Variants in RAD51C observed in about 807,000 individuals in gnomAD.
RAD51C encodes the protein DNA repair protein RAD51 homolog 3.
Under a neutral mutation model 45.0 loss-of-function variants are expected in RAD51C, and 42 were observed. The ratio of observed to expected loss-of-function variants is 0.93; its 90% CI spans 0.73 to 1.21. The LOEUF is 1.21. RAD51C is among the 50% of genes most tolerant of loss of function. RAD51C has a pLI of 0.00. For synonymous variants in RAD51C, 172 were observed against 159.8 expected, an observed-to-expected ratio of 1.08 and a Z score of -0.58; for missense variants, 474 against 452.2, an observed-to-expected ratio of 1.05 and a Z score of -0.44.
At chr17:58,701,236 G>T (rs1182903257) in intron 3 of RAD51C, among the ~76,000 whole-genome samples, 1 of 74 alleles carries the variant, frequency 0.014, no homozygotes, top group Admixed American at 0.17. Context: ...GGCCGGGTGT[G>T]GTGACTCACT....
chr17:58,724,223 T>G (rs2049031519), intron 7 of RAD51C, 123 bp downstream of exon 7: 2 of 919,034 alleles, frequency 2.2e-6, no homozygotes, highest in Non-Finnish European at 3.5e-6. Context: ...GTGACACTTT[T>G]GTTGCCTTGT....
chr17:58,709,160 C>A (rs2048469753), intron 4 of RAD51C, among the ~76,000 whole-genome samples: 1 of 148,990 alleles, frequency 6.7e-6, no homozygotes, highest in Admixed American at 6.8e-5. Context: ...AGTGGCGCAA[C>A]CTCTGCCACC....
chr17:58,725,134 C>T (rs2049070265), intron 7 of RAD51C, among the ~76,000 whole-genome samples: 1 of 152,182 alleles, frequency 6.6e-6, no homozygotes, highest in Non-Finnish European at 1.5e-5. Flanking sequence ...CCCCACAATA[C>T]GTAGTGCTTT....
chr17:58,719,278 T>C (rs1348892029), intron 5 of RAD51C, among the ~76,000 whole-genome samples: 2 of 151,992 alleles, frequency 1.3e-5, no homozygotes, highest in Non-Finnish European at 2.9e-5. Context: ...GGTGACAGAA[T>C]CATGGCTCAC....
chr17:58,728,702 A>G (rs962605944), intron 7 of RAD51C, among the ~76,000 whole-genome samples: 2 of 152,122 alleles, frequency 1.3e-5, no homozygotes, highest in African/African-American at 4.8e-5. Context: ...CCGTCCAGAA[A>G]CTAAAAATCT....
intron 1 of RAD51C, chr17:58,693,068 A>T: frequency 6.6e-6 from 3 of 454,486 alleles, no homozygotes; most frequent in Non-Finnish European, 1.2e-5. Context: ...GCTTACGTAG[A>T]TTATTATATT....
chr17:58,711,318 T>C (rs2048549537), intron 5 of RAD51C, among the ~76,000 whole-genome samples: 1 of 152,196 alleles, frequency 6.6e-6, no homozygotes, highest in African/African-American at 2.4e-5. Flanking sequence ...GAAGAAGATA[T>C]ATACATATAT....
Position 58,734,366 on chromosome 17 carries a change from A to G in RAD51C, c.*144A>G, listed in dbSNP as rs1487968288. On this transcript the variant is annotated 3_prime_UTR_variant, in exon 9 of 9. Coordinates refer to ENST00000337432, the MANE Select transcript of RAD51C (RefSeq NM_058216.3). Reference sequence around the variant, plus strand: ...TATGAAGTGAATGGGAAAAATACCTAAATATGATTCTGTGAAAGTTTTTCT... The same window carrying G: ...TATGAAGTGAATGGGAAAAATACCTGAATATGATTCTGTGAAAGTTTTTCT... 7.2e-7 allele frequency: 1 copy of G among 1,389,696 alleles called. No individual in the cohort carries two copies. Among genetic ancestry groups the G allele is most frequent in the South Asian group, 1.4e-5 (1 of 71,058 alleles). The allele number at this position is 1,389,696 out of a possible 1,614,324, so 86.1% of individuals were successfully genotyped here. A position where few individuals can be genotyped will look rare whatever the true frequency, so the allele number is the denominator to read the frequency against.
chr17:58,734,250 AT>A lies in RAD51C; in HGVS notation c.*31del, dbSNP rs748051956. The stretch of plus-strand genomic sequence containing the variant: ...CAGAAACAAATCTCAAAGTGTACAA[AT>A]TTATTGATGTTGTGAAATCAATGTG... On this transcript the variant is annotated 3_prime_UTR_variant, in exon 9 of 9. Coordinates refer to ENST00000337432, the MANE Select transcript of RAD51C (RefSeq NM_058216.3). 3 of 1,597,206 alleles carry A rather than the reference AT, an allele frequency of 1.9e-6. No homozygotes were observed. In the South Asian group the frequency reaches 3.4e-5, roughly 18 times the overall value.
chr17:58,721,497 T>G (rs2048915861), intron 6 of RAD51C, among the ~76,000 whole-genome samples: 1 of 152,156 alleles, frequency 6.6e-6, no homozygotes, highest in African/African-American at 2.4e-5. Flanking sequence ...CAGTGGCTTA[T>G]GCCTGTAATC....
chr17:58,717,376 G>A (rs1236085198), intron 5 of RAD51C, among the ~76,000 whole-genome samples: 1 of 152,142 alleles, frequency 6.6e-6, no homozygotes, highest in Non-Finnish European at 1.5e-5. Flanking sequence ...GCTGCAGTAA[G>A]CTATGATTGT....
intron 6 of RAD51C, among the ~76,000 whole-genome samples, chr17:58,721,798 A>G (rs1171468965): frequency 4.6e-5 from 7 of 152,100 alleles, no homozygotes; most frequent in Non-Finnish European, 7.4e-5. Flanking sequence ...ACTAGTTTTC[A>G]ACTAATGGCA....
chr17:58,727,516 ATATGTAGCTTAC>A (rs2049213988), intron 7 of RAD51C, among the ~76,000 whole-genome samples: 1 of 152,010 alleles, frequency 6.6e-6, no homozygotes, highest in Non-Finnish European at 1.5e-5. Context: ...GCCAATCTGA[ATATGTAGCTTAC>A]TCCTTTTTTT....
At chr17:58,703,933 CTTTTTT>C (rs67254535) in intron 4 of RAD51C, among the ~76,000 whole-genome samples, 21 of 66,478 alleles carry the variant, frequency 3.2e-4, no homozygotes, top group Non-Finnish European at 5.8e-4. Flanking sequence ...CATGTATCAC[CTTTTTT>C]TTTTTTTTTT....
At chr17:58,721,775 G>A (rs1246192213) in intron 6 of RAD51C, among the ~76,000 whole-genome samples, 1 of 151,340 alleles carries the variant, frequency 6.6e-6, no homozygotes, top group East Asian at 1.9e-4. Context: ...AAAAAAAAAT[G>A]TATCTGCCCT....
At position 58,703,315 on chromosome 17, in the gene RAD51C, T is replaced by A; in HGVS notation, c.691T>A (p.Ser231Thr). Residue 231 changes from serine (S) to threonine (T), a missense_variant, in exon 4 of 9, where the codon TCA becomes ACA. Ser to Thr is a moderately conservative substitution (Grantham distance 58, BLOSUM62 1). Transcript: ENST00000337432. Reference protein sequence around the residue: ...AQVYLLPDFLSEHSKVRLVIV... With the variant: ...AQVYLLPDFLTEHSKVRLVIV... The stretch of plus-strand genomic sequence containing the variant: ...AGTTTATCTTCTTCCAGATTTCCTT[T>A]CAGAACACTCAAAGGTATGAGTCAG... 3.1e-6 allele frequency: 5 copies of A among 1,612,266 alleles called. No individual in the cohort carries two copies. The highest frequency in any genetic ancestry group is 4.2e-6 in the Non-Finnish European group (5 of 1,178,598).
At chr17:58,724,320 T>TG (rs940647789) in intron 7 of RAD51C, among the ~76,000 whole-genome samples, 15 of 152,274 alleles carry the variant, frequency 9.9e-5, no homozygotes, top group African/African-American at 3.6e-4. Context: ...ATTTAAATGA[T>TG]GGGGCGCATG....
intron 4 of RAD51C, among the ~76,000 whole-genome samples, chr17:58,708,479 T>G (rs190292553): frequency 6.9e-4 from 105 of 152,216 alleles, no homozygotes; most frequent in African/African-American, 2.4e-3. Context: ...CAATTAATAC[T>G]TGCTAAATGA....
At chr17:58,726,688 G>A (rs2049166348) in intron 7 of RAD51C, among the ~76,000 whole-genome samples, 1 of 151,574 alleles carries the variant, frequency 6.6e-6, no homozygotes, top group Non-Finnish European at 1.5e-5. Flanking sequence ...ATATGTGTGT[G>A]TATATATATA....
Sources: allele counts gnomAD v4.1 joint callset (sites outside exome capture counted in the v4.1 genomes callset), GRCh38; gene constraint gnomAD v4.1.1; transcripts MANE v1.5; gene names NCBI Gene and HGNC (gene_info 2026-07-23, HGNC 2026-07-21).